Variants in IMPG1 observed in about 807,000 individuals in gnomAD.
The protein encoded by IMPG1 is interphotoreceptor matrix proteoglycan of 150 kDa.
IMPG1 carries 85 observed loss-of-function variants against 92.0 expected under a neutral mutation model. The observed-to-expected ratio is 0.92, with a 90% confidence interval of 0.78 to 1.11. IMPG1 has a LOEUF of 1.11. IMPG1 is among the 50% of genes least tolerant of loss of function. The probability of loss-of-function intolerance (pLI) is 0.00; values close to 1 mark genes in which losing one functional copy is unlikely to be tolerated. For synonymous variants in IMPG1, 367 were observed against 334.1 expected (o/e 1.10, Z -1.08); for missense variants, 1,022 against 956.0 (o/e 1.07, Z -0.91).
Position 76,011,199 on chromosome 6 carries a change from G to T in IMPG1, c.833C>A (p.Pro278Gln). ...LQMQKIFKKL[P>Q]GFKKIHVLGF... is the part of the protein sequence containing the mutation. Reference sequence around the variant, plus strand: ...TAACACATGGATTTTTTTGAATCCTGGAAGTTTCTTAAATATCTTTTGCAT... The same window carrying T: ...TAACACATGGATTTTTTTGAATCCTTGAAGTTTCTTAAATATCTTTTGCAT... Residue 278 changes from proline to glutamine, a missense_variant, in exon 8 of 17, where the codon CCA becomes CAA. Coordinates refer to ENST00000369950, the MANE Select transcript of IMPG1 (RefSeq NM_001563.4). The T allele has an allele frequency of 6.4e-7, 1 of 1,553,852 alleles. No homozygotes were observed. Among genetic ancestry groups the T allele is most frequent in the South Asian group, 1.1e-5 (1 of 89,110 alleles).
chr6:76,070,722 C>G (rs1013320645), intron 1 of IMPG1, among the ~76,000 whole-genome samples: 2 of 152,014 alleles, frequency 1.3e-5, no homozygotes, highest in Non-Finnish European at 2.9e-5. Context: ...AACAGAAAGT[C>G]AAATATCACG....
rs117421066 is a variant in IMPG1 at position 76,009,020 on chromosome 6, A to T, written c.867-1520T>A. Among the ~76,000 whole-genome samples, 7 of 152,292 alleles carry T rather than the reference A, an allele frequency of 4.6e-5. No homozygotes were observed. In the East Asian group the frequency reaches 1.3e-3, roughly 29 times the overall value. The stretch of plus-strand genomic sequence containing the variant: ...TTTCACTCAACGAAGTTATTTTGAG[A>T]TGCACCCATGTTGTTGTGTATTCCA... On this transcript the variant is annotated intron_variant, in intron 8 of 16. Coordinates refer to ENST00000369950, the MANE Select transcript of IMPG1 (RefSeq NM_001563.4).
intron 10 of IMPG1, among the ~76,000 whole-genome samples, chr6:76,005,078 A>G (rs1192770869): frequency 6.6e-6 from 1 of 152,206 alleles, no homozygotes; most frequent in Non-Finnish European, 1.5e-5. Flanking sequence ...TCCTAGAACT[A>G]TCCTTGGTAA....
chr6:75,927,555 T>A (rs1237557671), intron 15 of IMPG1, among the ~76,000 whole-genome samples: 4 of 151,802 alleles, frequency 2.6e-5, no homozygotes, highest in Non-Finnish European at 5.9e-5. Flanking sequence ...TCACTGAGAG[T>A]CTGTCTGAAG....
rs760751691 is a variant in IMPG1, at chr6:75,931,065, G to C, written c.2131C>G (p.Arg711Gly). 1 of 1,614,120 alleles carries C rather than the reference G, an allele frequency of 6.2e-7. No individual in the cohort carries two copies. Among genetic ancestry groups the C allele is most frequent in the South Asian group, 1.1e-5 (1 of 91,078 alleles). Residue 711 changes from arginine to glycine, a missense_variant, in exon 15 of 17, where the codon CGC becomes GGC. By Grantham distance (125) the Arg-to-Gly change is moderately radical (BLOSUM62 -2). Around this residue, in one of 3 missense-constraint regions of IMPG1, gnomAD observed 332 missense variants for 346.2 expected, o/e 0.96. Transcript: ENST00000369950. ...KNERTEEAEC[R>G]CKPGYDSQGS... ...TGGCTGTCATATCCTGGTTTGCAGC[G>C]ACACTCCGCTTCCTCAGTCCGTTCG...
chr6:75,983,054 T>TA (rs1382583793), intron 12 of IMPG1, among the ~76,000 whole-genome samples: 2 of 152,016 alleles, frequency 1.3e-5, no homozygotes, highest in African/African-American at 4.8e-5. Context: ...CAAGTGCAGC[T>TA]AAAATGGATA....
chr6:75,996,596 T>C (rs1782907081), intron 12 of IMPG1, among the ~76,000 whole-genome samples: 2 of 152,012 alleles, frequency 1.3e-5, no homozygotes, highest in African/African-American at 4.8e-5. Flanking sequence ...AAAAGGGTGG[T>C]CATGAGGAGG....
At chr6:75,974,731 G>C (rs1435235294) in intron 12 of IMPG1, among the ~76,000 whole-genome samples, 1 of 152,000 alleles carries the variant, frequency 6.6e-6, no homozygotes, top group Non-Finnish European at 1.5e-5. Flanking sequence ...GGCCAGGCTG[G>C]TCTCAAACTC....
intron 14 of IMPG1, among the ~76,000 whole-genome samples, chr6:75,943,533 C>T (rs1304406853): frequency 6.6e-6 from 1 of 152,192 alleles, no homozygotes; most frequent in Non-Finnish European, 1.5e-5. Context: ...AGGCCCTCAC[C>T]AGAAGCAGAT....
intron 14 of IMPG1, among the ~76,000 whole-genome samples, chr6:75,932,204 C>T (rs1344784617): frequency 6.6e-6 from 1 of 152,200 alleles, no homozygotes; most frequent in African/African-American, 2.4e-5. Context: ...TCACGGCCAT[C>T]CCTTCGTGGA....
intron 12 of IMPG1, among the ~76,000 whole-genome samples, chr6:75,976,507 G>A (rs1374638869): frequency 1.3e-5 from 2 of 152,184 alleles, no homozygotes; most frequent in Admixed American, 6.6e-5. Flanking sequence ...GTTGCAGTGA[G>A]CTGACATTGT....
At chr6:75,969,287 TAA>T (rs949664971) in intron 12 of IMPG1, among the ~76,000 whole-genome samples, 1 of 152,032 alleles carries the variant, frequency 6.6e-6, no homozygotes, top group Non-Finnish European at 1.5e-5. Context: ...TAAAAATTGC[TAA>T]GAGAGGGGAA....
intron 12 of IMPG1, among the ~76,000 whole-genome samples, chr6:75,987,730 C>T (rs189010489): frequency 3.0e-4 from 45 of 151,912 alleles, no homozygotes; most frequent in African/African-American, 8.2e-4. Context: ...CTGCAAACTC[C>T]GCCTCCCGGG....
At chr6:75,990,346 C>T (rs1183857796) in intron 12 of IMPG1, among the ~76,000 whole-genome samples, 1 of 152,058 alleles carries the variant, frequency 6.6e-6, no homozygotes, top group Non-Finnish European at 1.5e-5. Flanking sequence ...TCATTCATTG[C>T]CGTGGAAGAA....
At position 75,947,615 on chromosome 6, in the gene IMPG1, TA is replaced by T. The variant is rs530621330; in HGVS notation, c.1825-83del. The T allele has an allele frequency of 1.9e-4, 176 of 923,014 alleles. No individual in the cohort carries two copies. The African/African-American group carries it at 2.8e-3, about 15-fold the overall frequency. 57.2% of individuals were successfully genotyped at this position (923,014 alleles called of 1,614,324 possible). A position where few individuals can be genotyped will look rare whatever the true frequency, so the allele number is the denominator to read the frequency against. ...AATTCCACTTACACTCACTTTTCAT[TA>T]ACCGAGACATATATTTTAGTTCCTT... On this transcript the variant is annotated intron_variant, in intron 13 of 16. Transcript: ENST00000369950.
At chr6:76,003,203 T>C (rs1301891470) in intron 11 of IMPG1, among the ~76,000 whole-genome samples, 1 of 152,230 alleles carries the variant, frequency 6.6e-6, no homozygotes, top group African/African-American at 2.4e-5. Flanking sequence ...TAAGATCTAT[T>C]GCTTCTCGGA....
chr6:75,953,652 G>T (rs1212929467), intron 12 of IMPG1, among the ~76,000 whole-genome samples: 6 of 151,564 alleles, frequency 4.0e-5, no homozygotes, highest in Admixed American at 1.3e-4. Context: ...TGGGATACAT[G>T]TGCAGAACGT....
chr6:75,968,762 T>G (rs1782353236), intron 12 of IMPG1, among the ~76,000 whole-genome samples: 1 of 152,204 alleles, frequency 6.6e-6, no homozygotes, highest in Admixed American at 6.6e-5. Context: ...ATTGCTTTCT[T>G]GCTGTCACCC....
At chr6:76,045,958 A>T (rs999273425) in intron 1 of IMPG1, among the ~76,000 whole-genome samples, 4 of 152,242 alleles carry the variant, frequency 2.6e-5, no homozygotes, top group African/African-American at 4.8e-5. Context: ...AAGACTGGAA[A>T]TTTTTTTGAG....
Sources: gnomAD v4.1 joint callset for allele counts (sites outside exome capture counted in the v4.1 genomes callset) on GRCh38, gnomAD v4.1.1 for gene constraint, gnomAD v4.1.1 regional missense constraint, MANE v1.5 for transcripts, NCBI Gene and HGNC (gene_info 2026-07-23, HGNC 2026-07-21) for gene names.